Variants in RBMS1 observed in about 807,000 individuals in gnomAD.
RBMS1 encodes RNA binding motif single stranded interacting protein 1, also known as RNA-binding motif, single-stranded-interacting protein 1.
Under a neutral mutation model 62.3 loss-of-function variants are expected in RBMS1, and 17 were observed. That is an observed-to-expected ratio of 0.27 (90% confidence interval 0.19 to 0.41). The LOEUF (loss-of-function observed/expected upper bound fraction) is 0.41. Among genes scored for constraint, RBMS1 ranks in the 10% least tolerant of loss-of-function variants. The probability of loss-of-function intolerance (pLI) is 1.00; values close to 1 mark genes in which losing one functional copy is unlikely to be tolerated. For missense variants in RBMS1, 334 were observed against 504.5 expected (o/e 0.66, Z 3.24); for synonymous variants, 172 against 170.0 (o/e 1.01, Z -0.09).
At chr2:160,439,089 G>A (rs1574059681) in intron 1 of RBMS1, among the ~76,000 whole-genome samples, 1 of 151,186 alleles carries the variant, frequency 6.6e-6, no homozygotes, top group African/African-American at 2.4e-5. Context: ...CAGTAGGGGC[G>A]GCCGGGCAGA....
intron 2 of RBMS1, among the ~76,000 whole-genome samples, chr2:160,349,571 G>A (rs936837534): frequency 1.3e-5 from 2 of 151,374 alleles, no homozygotes; most frequent in Non-Finnish European, 2.9e-5. Context: ...GAGAGAGAGA[G>A]AGAGAGAGAG....
At chr2:160,347,025 A>AT (rs1274155909) in intron 2 of RBMS1, among the ~76,000 whole-genome samples, 7 of 152,278 alleles carry the variant, frequency 4.6e-5, no homozygotes, top group African/African-American at 1.7e-4. Flanking sequence ...CCAGTGAAAA[A>AT]AATAGGTATA....
intron 2 of RBMS1, among the ~76,000 whole-genome samples, chr2:160,346,635 G>A (rs1282173466): frequency 6.6e-6 from 1 of 152,122 alleles, no homozygotes; most frequent in African/African-American, 2.4e-5. Context: ...CAGCCAGCAA[G>A]CAATAGGTGC....
chr2:160,333,914 A>G (rs1427851871), intron 2 of RBMS1, among the ~76,000 whole-genome samples: 1 of 151,802 alleles, frequency 6.6e-6, no homozygotes, highest in Non-Finnish European at 1.5e-5. Flanking sequence ...TTCAGCATGA[A>G]CTCTAGTGAA....
At chr2:160,290,536 C>T (rs1688624827) in intron 6 of RBMS1, among the ~76,000 whole-genome samples, 1 of 152,134 alleles carries the variant, frequency 6.6e-6, no homozygotes, top group African/African-American at 2.4e-5. Context: ...CTTAAATCAA[C>T]TGATTTTGCC....
chr2:160,374,943 G>A (rs1693916327), intron 1 of RBMS1, among the ~76,000 whole-genome samples: 1 of 151,716 alleles, frequency 6.6e-6, no homozygotes, highest in Non-Finnish European at 1.5e-5. Context: ...GCGGGGGACG[G>A]TGGGGGGGAG....
intron 1 of RBMS1, among the ~76,000 whole-genome samples, chr2:160,388,070 G>A (rs908492104): frequency 4.6e-5 from 7 of 152,204 alleles, no homozygotes; most frequent in Admixed American, 1.3e-4. Flanking sequence ...CTTTTCTGAC[G>A]TCAATCCTAA....
At chr2:160,294,006 T>C (rs1339126515) in intron 6 of RBMS1, among the ~76,000 whole-genome samples, 1 of 152,188 alleles carries the variant, frequency 6.6e-6, no homozygotes, top group Non-Finnish European at 1.5e-5. Flanking sequence ...AAGTATTAAG[T>C]GGTTGTGGAA....
At chr2:160,491,607 C>G (rs1183821448) in intron 1 of RBMS1, among the ~76,000 whole-genome samples, 1 of 152,182 alleles carries the variant, frequency 6.6e-6, no homozygotes, top group Non-Finnish European at 1.5e-5. Flanking sequence ...GTAAATGTGC[C>G]TGTAGAAACA....
In RBMS1 at chr2:160,430,386, T is replaced by G. The variant is rs182772539; in HGVS notation, c.75+62903A>C. Among the ~76,000 whole-genome samples the G allele has an allele frequency of 1.2e-3, 184 of 152,362 alleles. 1 individual carries two copies. Among genetic ancestry groups the G allele is most frequent in the African/African-American group, 4.2e-3 (176 of 41,578 alleles). On this transcript the variant is annotated intron_variant, in intron 1 of 13. Coordinates refer to ENST00000348849, the MANE Select transcript of RBMS1 (RefSeq NM_016836.4). ...TTAAAAGCCCTTTTACATCCACTATTTCCTATAGCCATACCATGCAGTGGG... is the reference window on the plus strand; with the variant it reads ...TTAAAAGCCCTTTTACATCCACTATGTCCTATAGCCATACCATGCAGTGGG...
At chr2:160,324,911 C>A in intron 2 of RBMS1, among the ~76,000 whole-genome samples, 2 of 102,002 alleles carry the variant, frequency 2.0e-5, no homozygotes, top group South Asian at 2.8e-4. Flanking sequence ...TATATATACA[C>A]ACACACACAC....
chr2:160,490,552 G>A (rs1559616721), intron 1 of RBMS1, among the ~76,000 whole-genome samples: 1 of 151,838 alleles, frequency 6.6e-6, no homozygotes, highest in Non-Finnish European at 1.5e-5. Flanking sequence ...ATAGCCCAAC[G>A]GATGGTATTT....
chr2:160,482,750 C>A (rs1271051605), intron 1 of RBMS1, among the ~76,000 whole-genome samples: 1 of 152,118 alleles, frequency 6.6e-6, no homozygotes, highest in Non-Finnish European at 1.5e-5. Flanking sequence ...ACAAAAATGA[C>A]CCATTTGCAG....
intron 1 of RBMS1, among the ~76,000 whole-genome samples, chr2:160,416,595 C>T (rs1009916026): frequency 5.3e-5 from 8 of 152,116 alleles, no homozygotes; most frequent in Non-Finnish European, 1.0e-4. Flanking sequence ...CCTGCCCCTG[C>T]CCCGCCACCA....
intron 10 of RBMS1, 148 bp from the exon 11 acceptor site, chr2:160,278,806 C>T: frequency 1.7e-6 from 1 of 583,690 alleles, no homozygotes. Flanking sequence ...GCATCATAAA[C>T]AGTTTCCTAA....
chr2:160,415,385 G>A (rs1400786806), intron 1 of RBMS1, among the ~76,000 whole-genome samples: 3 of 152,026 alleles, frequency 2.0e-5, no homozygotes, highest in Non-Finnish European at 4.4e-5. Context: ...TAAAAGACAA[G>A]AGCTGAGGTG....
intron 1 of RBMS1, among the ~76,000 whole-genome samples, chr2:160,392,515 G>C (rs796478701): frequency 4.0e-5 from 6 of 151,280 alleles, no homozygotes; most frequent in African/African-American, 1.5e-4. Flanking sequence ...TATATGAGCA[G>C]TTCCCACGTA....
chr2:160,364,486 C>T (rs1169622232), intron 2 of RBMS1, among the ~76,000 whole-genome samples: 2 of 152,162 alleles, frequency 1.3e-5, no homozygotes, highest in East Asian at 1.9e-4. Context: ...CCAGTCTGAG[C>T]TCCTACCCCA....
At chr2:160,281,856 T>C (rs1046498719) in intron 9 of RBMS1, 1 of 177,320 alleles carries the variant, frequency 5.6e-6, no homozygotes, top group Non-Finnish European at 1.2e-5. Flanking sequence ...ATCTAGGACA[T>C]TAATTTTAGA....
Sources: gnomAD v4.1 joint callset for allele counts (sites outside exome capture counted in the v4.1 genomes callset) on GRCh38, gnomAD v4.1.1 for gene constraint, MANE v1.5 for transcripts, NCBI Gene and HGNC (gene_info 2026-07-23, HGNC 2026-07-21) for gene names.